The following RGS6 variants were observed in gnomAD, a reference collection of about 807,000 sequenced individuals.
The protein encoded by RGS6 is regulator of G-protein signaling 6.
Under a neutral mutation model 78.5 loss-of-function variants are expected in RGS6, and 30 were observed. The ratio of observed to expected loss-of-function variants is 0.38; its 90% CI spans 0.29 to 0.52. The LOEUF (loss-of-function observed/expected upper bound fraction) is 0.52, where lower values mean the gene tolerates loss of function less well. Among genes scored for constraint, RGS6 ranks in the 20% least tolerant of loss-of-function variants. The pLI is 0.85. For synonymous variants in RGS6, 206 were observed against 206.0 expected (o/e 1.00, Z 0.00); for missense variants, 495 against 609.7 (o/e 0.81, Z 1.98).
At chr14:72,064,101 G>C (rs2094020794) in intron 2 of RGS6, among the ~76,000 whole-genome samples, 1 of 152,112 alleles carries the variant, frequency 6.6e-6, no homozygotes, top group Non-Finnish European at 1.5e-5. Context: ...GAATAATGTG[G>C]AAGTGGAGAT....
chr14:72,376,100 A>G lies in RGS6; in HGVS notation c.184+23906A>G, dbSNP rs188205564. Among the ~76,000 whole-genome samples the G allele has an allele frequency of 2.6e-5, 4 of 152,366 alleles. No individual in the cohort carries two copies. In the East Asian group the frequency reaches 5.8e-4, roughly 22 times the overall value. On this transcript the variant is annotated intron_variant, in intron 3 of 17. Transcript: ENST00000553525. Reference sequence around the variant, plus strand: ...AATTCAGTGAAATATAAGAAAATATATTCAATGAAATCATGAAAACAATAA... The same window carrying G: ...AATTCAGTGAAATATAAGAAAATATGTTCAATGAAATCATGAAAACAATAA...
chr14:72,301,437 T>C (rs2066032145), intron 2 of RGS6, among the ~76,000 whole-genome samples: 1 of 152,158 alleles, frequency 6.6e-6, no homozygotes, highest in South Asian at 2.1e-4. Context: ...TTTTTTTTAG[T>C]TGATAGAGTC....
At chr14:72,377,183 A>G (rs1268868103) in intron 3 of RGS6, among the ~76,000 whole-genome samples, 1 of 152,240 alleles carries the variant, frequency 6.6e-6, no homozygotes, top group Admixed American at 6.5e-5. Flanking sequence ...AGACACAAAT[A>G]GACTGAAAGT....
At chr14:72,516,383 A>G (rs940099577) in intron 14 of RGS6, among the ~76,000 whole-genome samples, 4 of 152,176 alleles carry the variant, frequency 2.6e-5, no homozygotes, top group Non-Finnish European at 5.9e-5. Flanking sequence ...GCCCACCTGA[A>G]CAATGAGGTA....
chr14:72,243,761 T>G (rs982909923), intron 2 of RGS6, among the ~76,000 whole-genome samples: 3 of 152,180 alleles, frequency 2.0e-5, no homozygotes, highest in Non-Finnish European at 4.4e-5. Flanking sequence ...CACCTTTTTT[T>G]TTTTTCTTGT....
At chr14:72,086,272 C>T (rs932623915) in intron 2 of RGS6, among the ~76,000 whole-genome samples, 6 of 152,146 alleles carry the variant, frequency 3.9e-5, no homozygotes, top group African/African-American at 1.4e-4. Flanking sequence ...TTGCTCGACA[C>T]CTGTGCCCTC....
chr14:72,144,833 G>A (rs1217755158), intron 2 of RGS6, among the ~76,000 whole-genome samples: 3 of 152,012 alleles, frequency 2.0e-5, no homozygotes, highest in Non-Finnish European at 4.4e-5. Context: ...CGAGACAGGG[G>A]AATTGCAGTG....
At chr14:72,195,037 G>C (rs1172991701) in intron 2 of RGS6, among the ~76,000 whole-genome samples, 1 of 152,008 alleles carries the variant, frequency 6.6e-6, no homozygotes, top group East Asian at 1.9e-4. Flanking sequence ...GCGAAACCCC[G>C]TGTCTGCTAA....
chr14:71,931,316 A>T (rs2087844594), upstream of RGS6, among the ~76,000 whole-genome samples: 1 of 150,552 alleles, frequency 6.6e-6, no homozygotes, highest in South Asian at 2.1e-4. Flanking sequence ...GTGTTATCCC[A>T]TTCGACGTGA....
At chr14:71,911,403 G>C in the RGS6 span, among the ~76,000 whole-genome samples, 2 of 152,190 alleles carry the variant, frequency 1.3e-5, no homozygotes, top group African/African-American at 4.8e-5. Flanking sequence ...TTCCCACTGG[G>C]TCACACAAGT....
At chr14:72,626,937 T>C in the RGS6 span, among the ~76,000 whole-genome samples, 1 of 152,028 alleles carries the variant, frequency 6.6e-6, no homozygotes, top group Non-Finnish European at 1.5e-5. Flanking sequence ...TTTTTTTTTT[T>C]TTGCATCTTT....
At chr14:72,521,968 T>A (rs978696805) in intron 15 of RGS6, among the ~76,000 whole-genome samples, 3 of 152,262 alleles carry the variant, frequency 2.0e-5, no homozygotes, top group African/African-American at 7.2e-5. Flanking sequence ...TAAAAATTTT[T>A]AAATAATTTC....
intron 2 of RGS6, among the ~76,000 whole-genome samples, chr14:72,274,685 T>C (rs1460697268): frequency 6.6e-6 from 1 of 151,894 alleles, no homozygotes; most frequent in African/African-American, 2.4e-5. Flanking sequence ...AGGGTCAGAG[T>C]CAGAGAAGAA....
chr14:72,316,896 A>AGTGTGTGTGT (rs71109731), intron 2 of RGS6, among the ~76,000 whole-genome samples: 4,777 of 141,864 alleles, frequency 0.034, 116 homozygotes, highest in Admixed American at 0.039. Context: ...AAGCAGGTGA[A>AGTGTGTGTGT]GTGTGTGTGT....
intron 13 of RGS6, among the ~76,000 whole-genome samples, chr14:72,507,183 G>A (rs2096818576): frequency 6.6e-6 from 1 of 151,920 alleles, no homozygotes; most frequent in African/African-American, 2.4e-5. Context: ...AAAAAGAGAA[G>A]AGAAAGCAGA....
At chr14:72,199,344 T>A (rs570363937) in intron 2 of RGS6, among the ~76,000 whole-genome samples, 1 of 152,356 alleles carries the variant, frequency 6.6e-6, no homozygotes, top group East Asian at 1.9e-4. Flanking sequence ...GGTGTCAGAA[T>A]TATAGAAGAG....
chr14:71,999,703 A>G (rs1453951125), intron 2 of RGS6, among the ~76,000 whole-genome samples: 2 of 152,120 alleles, frequency 1.3e-5, no homozygotes, highest in Admixed American at 1.3e-4. Flanking sequence ...AAAAGTGTGT[A>G]GCACTTCCCC....
In RGS6 at chr14:72,052,906, G is replaced by A. The variant is rs554104487; in HGVS notation, c.84+88031G>A. On this transcript the variant is annotated intron_variant, in intron 2 of 17. Coordinates refer to ENST00000553525, the MANE Select transcript of RGS6 (RefSeq NM_001204424.2). Reference sequence around the variant, plus strand: ...GTCTAATGTCCAGGACAGTGCACATGTTCAGAGTTTCATTGTATTTTTCTT... The same window carrying A: ...GTCTAATGTCCAGGACAGTGCACATATTCAGAGTTTCATTGTATTTTTCTT... Among the ~76,000 whole-genome samples the A allele has an allele frequency of 1.1e-3, 173 of 151,312 alleles. 2 individuals carry two copies. In the South Asian group the frequency reaches 0.021, roughly 18 times the overall value.
intron 2 of RGS6, among the ~76,000 whole-genome samples, chr14:72,286,574 G>A (rs999482108): frequency 6.6e-6 from 1 of 151,896 alleles, no homozygotes. Context: ...GATGGGGAAA[G>A]CATGGAGCCT....
Sources: gnomAD v4.1 joint callset for allele counts (sites outside exome capture counted in the v4.1 genomes callset) on GRCh38, gnomAD v4.1.1 for gene constraint, MANE v1.5 for transcripts, NCBI Gene and HGNC (gene_info 2026-07-23, HGNC 2026-07-21) for gene names.